The following LAMA3 variants were observed in gnomAD, a reference collection of about 807,000 sequenced individuals.
The protein encoded by LAMA3 is laminin subunit alpha-3.
LAMA3 carries 281 observed loss-of-function variants against 402.0 expected under a neutral mutation model. That is an observed-to-expected ratio of 0.70 (90% CI 0.63 to 0.77). LAMA3 has a LOEUF of 0.77. Among genes scored for constraint, LAMA3 ranks in the 30% least tolerant of loss-of-function variants. The pLI, the probability that LAMA3 is intolerant of heterozygous loss-of-function variation, is 0.00. For synonymous variants in LAMA3, 1,431 were observed against 1,558.4 expected (o/e 0.92, Z 1.93); for missense variants, 3,840 against 4,215.5 (o/e 0.91, Z 2.47).
intron 25 of LAMA3, among the ~76,000 whole-genome samples, chr18:23,837,468 A>G (rs1010931744): frequency 6.6e-6 from 1 of 150,558 alleles, no homozygotes; most frequent in African/African-American, 2.4e-5. Flanking sequence ...TATTATCTCT[A>G]TTAGCTTCTT....
intron 12 of LAMA3, among the ~76,000 whole-genome samples, chr18:23,803,529 T>C (rs925911455): frequency 1.3e-5 from 2 of 152,214 alleles, no homozygotes; most frequent in Non-Finnish European, 2.9e-5. Context: ...GAGAGGGTTT[T>C]CACTCAGACC....
intron 2 of LAMA3, among the ~76,000 whole-genome samples, chr18:23,738,095 G>A (rs1045365260): frequency 1.3e-5 from 2 of 152,036 alleles, no homozygotes; most frequent in South Asian, 2.1e-4. Context: ...AGAGTGTGGA[G>A]GGAGGCAAGC....
intron 38 of LAMA3, among the ~76,000 whole-genome samples, chr18:23,875,073 C>T (rs565400752): frequency 6.6e-6 from 1 of 152,276 alleles, no homozygotes; most frequent in African/African-American, 2.4e-5. Context: ...CCATGTTGCC[C>T]AGGCTGATCT....
chr18:23,951,961 G>C (rs1037005468), intron 73 of LAMA3, among the ~76,000 whole-genome samples, 184 bp downstream of exon 73: 7 of 152,170 alleles, frequency 4.6e-5, no homozygotes, highest in Admixed American at 4.6e-4. Context: ...GCCACCTCCA[G>C]TTCTCCAGAA....
intron 2 of LAMA3, among the ~76,000 whole-genome samples, chr18:23,719,160 T>A (rs900374252): frequency 2.0e-5 from 3 of 152,186 alleles, no homozygotes; most frequent in African/African-American, 7.2e-5. Context: ...TACTCAAGTC[T>A]TTGCCTCAGG....
At chr18:23,936,817 A>G in intron 67 of LAMA3, among the ~76,000 whole-genome samples, 1 of 152,222 alleles carries the variant, frequency 6.6e-6, no homozygotes, top group East Asian at 1.9e-4. Flanking sequence ...CCTGGTGAAC[A>G]GTGGGAATGG....
chr18:23,748,477 G>A (rs998736527), intron 3 of LAMA3, among the ~76,000 whole-genome samples: 4 of 151,470 alleles, frequency 2.6e-5, no homozygotes, highest in African/African-American at 9.7e-5. Flanking sequence ...GTTAGGGACT[G>A]GTCACTTTTA....
At chr18:23,893,421 A>G (rs1015601108) in intron 42 of LAMA3, among the ~76,000 whole-genome samples, 3 of 152,114 alleles carry the variant, frequency 2.0e-5, no homozygotes, top group Non-Finnish European at 4.4e-5. Context: ...CGTCTCTACT[A>G]AAAATACAAA....
Position 23,753,832 on chromosome 18 carries a change from T to A in LAMA3, c.947+20T>A, listed in dbSNP as rs2143612571. ...AAAACTGTAAGTACACTGTACAGATTTTTTTCAGCCTTACTATGATTAAGT... is the reference window on the plus strand; with the variant it reads ...AAAACTGTAAGTACACTGTACAGATATTTTTCAGCCTTACTATGATTAAGT... On this transcript the variant is annotated intron_variant, in intron 6 of 74. Transcript: ENST00000313654. 6.5e-7 allele frequency: 1 copy of A among 1,532,470 alleles called. No homozygotes were observed. Among genetic ancestry groups the A allele is most frequent in the Admixed American group, 1.7e-5 (1 of 59,866 alleles). 94.9% of individuals were successfully genotyped at this position (1,532,470 alleles called of 1,614,324 possible).
chr18:23,765,311 G>C (rs1295708960), intron 8 of LAMA3, among the ~76,000 whole-genome samples: 2 of 152,178 alleles, frequency 1.3e-5, no homozygotes, highest in African/African-American at 2.4e-5. Flanking sequence ...CCCTAATTCT[G>C]TATATAAATT....
chr18:23,793,343 T>G lies in LAMA3; in HGVS notation c.1603+9186T>G, dbSNP rs1260470422. The stretch of plus-strand genomic sequence containing the variant: ...AATTGGCTTACCCTGGGAGGGGCAG[T>G]CCCTCCAGGGTCAGCAAGGCCCCAA... On this transcript the variant is annotated intron_variant, in intron 12 of 74. Coordinates refer to ENST00000313654, the MANE Select transcript of LAMA3 (RefSeq NM_198129.4). Among the ~76,000 whole-genome samples the G allele has an allele frequency of 3.3e-5, 5 of 151,624 alleles. No individual in the cohort carries two copies. The East Asian group carries it at 9.7e-4, about 30-fold the overall frequency.
Position 23,826,795 on chromosome 18 carries a change from G to A in LAMA3, c.2665G>A (p.Glu889Lys). Residue 889 changes from glutamate to lysine, a missense_variant, in exon 22 of 75, where the codon GAA becomes AAA. Physicochemically the swap from Glu to Lys is moderately conservative, Grantham distance 56. Coordinates refer to ENST00000313654, the MANE Select transcript of LAMA3 (RefSeq NM_198129.4). ...ATGTGCCTACGCAGGACCTCCCCAAGAAAAGTCAGTGTGGGGCAGAAGGTG... is the reference window on the plus strand; with the variant it reads ...ATGTGCCTACGCAGGACCTCCCCAAAAAAAGTCAGTGTGGGGCAGAAGGTG... ...EPCAYAGPPQ[E>K]NCLLYQHLPV... is the part of the protein sequence containing the mutation. The A allele has an allele frequency of 6.4e-7, 1 of 1,557,036 alleles. No homozygotes were observed. Among genetic ancestry groups the A allele is most frequent in the Non-Finnish European group, 8.7e-7 (1 of 1,148,368 alleles).
At chr18:23,797,907 G>A (rs1339278834) in intron 12 of LAMA3, among the ~76,000 whole-genome samples, 1 of 152,094 alleles carries the variant, frequency 6.6e-6, no homozygotes, top group South Asian at 2.1e-4. Context: ...CTTTCTTGGG[G>A]AATTAATCAA....
rs531970906 is a variant in LAMA3 at position 23,897,269 on chromosome 18, GA to G, written c.5614-1468del. Among the ~76,000 whole-genome samples, 509 of 152,322 alleles carry G rather than the reference GA, an allele frequency of 3.3e-3. 5 individuals are homozygous for G. The highest frequency in any genetic ancestry group is 0.012 in the African/African-American group (489 of 41,582). On this transcript the variant is annotated intron_variant, in intron 44 of 74. Transcript: ENST00000313654. ...AATAAGTACTTTTGGGTTGAGGGCT[GA>G]TTCTAGTGACTATAGCTGAGTATAT...
rs200269449 is a variant in LAMA3, at chr18:23,847,586, G to A, written c.4054G>A (p.Gly1352Ser). The change falls in exon 32 of 75, where the codon GGC becomes AGC. Residue 1352 changes from glycine (G) to serine (S), a missense_variant. Physicochemically the swap from Gly to Ser is moderately conservative, Grantham distance 56. Around this residue, in one of 3 missense-constraint regions of LAMA3, gnomAD observed 2,109 missense variants for 2,376.0 expected, o/e 0.89. Coordinates refer to ENST00000313654, the MANE Select transcript of LAMA3 (RefSeq NM_198129.4). Reference sequence around the variant, plus strand: ...CTCATTCAGCTTCCACCCCATGGCCGGCTGCGAAGGCTGCAACTGTTCCAG... The same window carrying A: ...CTCATTCAGCTTCCACCCCATGGCCAGCTGCGAAGGCTGCAACTGTTCCAG... ...THSFSFHPMA[G>S]CEGCNCSRRG... 9.3e-6 allele frequency: 15 copies of A among 1,614,098 alleles called. No individual in the cohort carries two copies. Among genetic ancestry groups the A allele is most frequent in the East Asian group, 6.7e-5 (3 of 44,892 alleles).
At chr18:23,751,292 A>G (rs2061747798) in intron 5 of LAMA3, among the ~76,000 whole-genome samples, 1 of 152,216 alleles carries the variant, frequency 6.6e-6, no homozygotes, top group Non-Finnish European at 1.5e-5. Flanking sequence ...AAATCATTAT[A>G]TTCAAAGAAG....
intron 1 of LAMA3, among the ~76,000 whole-genome samples, chr18:23,691,322 T>G (rs1234695919): frequency 6.6e-6 from 1 of 152,072 alleles, no homozygotes; most frequent in Non-Finnish European, 1.5e-5. Flanking sequence ...AAAACAGAAA[T>G]CTAAAAGACA....
At chr18:23,803,421 A>G (rs995009823) in intron 12 of LAMA3, among the ~76,000 whole-genome samples, 3 of 152,156 alleles carry the variant, frequency 2.0e-5, no homozygotes, top group East Asian at 3.9e-4. Context: ...CTGGACAATG[A>G]TAGAAGTGGA....
intron 70 of LAMA3, among the ~76,000 whole-genome samples, chr18:23,947,302 C>A (rs191516221): frequency 1.3e-5 from 2 of 152,150 alleles, no homozygotes; most frequent in Non-Finnish European, 2.9e-5. Flanking sequence ...CCTTTCCCCC[C>A]ACCCCACAAA....
Sources: allele counts gnomAD v4.1 joint callset (sites outside exome capture counted in the v4.1 genomes callset), GRCh38; gene constraint gnomAD v4.1.1; regional missense constraint gnomAD v4.1.1; transcripts MANE v1.5; gene names NCBI Gene and HGNC (gene_info 2026-07-23, HGNC 2026-07-21).